Variants in RTP5 observed in about 807,000 individuals in gnomAD.
RTP5 encodes the protein receptor-transporting protein 5.
RTP5 carries 30 observed loss-of-function variants against 23.5 expected under a neutral mutation model. That is an observed-to-expected ratio of 1.27 (90% CI 0.95 to 1.73). The LOEUF (loss-of-function observed/expected upper bound fraction) is 1.73. Among genes scored for constraint, RTP5 ranks in the 40% most tolerant of loss-of-function variants. The pLI is 0.00. For missense variants in RTP5, 807 were observed against 784.2 expected, an observed-to-expected ratio of 1.03 and a Z score of -0.35; for synonymous variants, 354 against 342.1, an observed-to-expected ratio of 1.03 and a Z score of -0.38.
chr2:241,873,361 C>T lies in RTP5; in HGVS notation c.*87C>T, dbSNP rs1177417661. The T allele has an allele frequency of 7.2e-5, 103 of 1,426,678 alleles. No homozygotes were observed. The highest frequency in any genetic ancestry group is 2.6e-4 in the South Asian group (19 of 73,376). 88.4% of individuals were successfully genotyped at this position (1,426,678 alleles called of 1,614,324 possible). A position where few individuals can be genotyped will look rare whatever the true frequency, so the allele number is the denominator to read the frequency against. On this transcript the variant is annotated 3_prime_UTR_variant, in exon 2 of 2. Coordinates refer to ENST00000343216, the MANE Select transcript of RTP5 (RefSeq NM_173821.3). Reference sequence around the variant, plus strand: ...AACCCCGCCTTTGAGATGCCCGCCCCGCCTCCGAGACCCCGCCTCCACCTC... The same window carrying T: ...AACCCCGCCTTTGAGATGCCCGCCCTGCCTCCGAGACCCCGCCTCCACCTC...
At chr2:241,869,994 G>A (rs1701285551) in intron 1 of RTP5, 80 bp downstream of exon 1, 1 of 1,311,144 alleles carries the variant, frequency 7.6e-7, no homozygotes, top group Non-Finnish European at 9.9e-7. Context: ...GGTCCCAGAG[G>A]CTGGGTGGGG....
At chr2:241,871,455 A>G (rs1032814702) in intron 1 of RTP5, among the ~76,000 whole-genome samples, 1 of 152,178 alleles carries the variant, frequency 6.6e-6, no homozygotes, top group African/African-American at 2.4e-5. Context: ...GCTAGTGCGC[A>G]TGGGCCTGCT....
chr2:241,869,953 G>T, intron 1 of RTP5, 39 bp downstream of exon 1: 1 of 1,436,548 alleles, frequency 7.0e-7, no homozygotes. Context: ...GAGGCAGGGG[G>T]CTGAAGGTGC....
At chr2:241,870,256 G>C (rs1297064108) in intron 1 of RTP5, among the ~76,000 whole-genome samples, 1 of 152,222 alleles carries the variant, frequency 6.6e-6, no homozygotes, top group Non-Finnish European at 1.5e-5. Flanking sequence ...GCTGACAGGT[G>C]GGCCCTGGGG....
chr2:241,871,287 T>G (rs756404804), intron 1 of RTP5: 1 of 348,382 alleles, frequency 2.9e-6, no homozygotes, highest in Non-Finnish European at 5.7e-6. Flanking sequence ...CAGGCCTGCC[T>G]CTTCCTGTGT....
chr2:241,869,753 C>T lies in RTP5; in HGVS notation c.-4C>T. 1 of 1,518,548 alleles carries T rather than the reference C, an allele frequency of 6.6e-7. No individual in the cohort carries two copies. Among genetic ancestry groups the T allele is most frequent in the Non-Finnish European group, 8.8e-7 (1 of 1,136,264 alleles). The allele number at this position is 1,518,548 out of a possible 1,614,324, so 94.1% of individuals were successfully genotyped here. A position where few individuals can be genotyped will look rare whatever the true frequency, so the allele number is the denominator to read the frequency against. On this transcript the variant is annotated 5_prime_UTR_variant, in exon 1 of 2. Coordinates refer to ENST00000343216, the MANE Select transcript of RTP5 (RefSeq NM_173821.3). ...CAGCCCACACTGCGGAGCCAGGCGG[C>T]AGCATGGACCGGGCTGGGGCAGACA...
In RTP5 at chr2:241,871,907, G is replaced by A. The variant is rs748897249; in HGVS notation, c.352G>A (p.Val118Ile). 12 of 1,575,330 alleles carry A rather than the reference G, an allele frequency of 7.6e-6. No homozygotes were observed. The highest frequency in any genetic ancestry group is 1.3e-5 in the African/African-American group (1 of 74,452). The change falls in exon 2 of 2, where the codon GTC becomes ATC. Residue 118 changes from valine to isoleucine, a missense_variant. Transcript: ENST00000343216. ...CGAGCAGCCCTTCCTCAGCAGGCTG[G>A]TCTTGCACATCCTGCAGGACTGCTA... ...PGEQPFLSRL[V>I]LHILQDCYGD...
In RTP5 at chr2:241,873,003, A is replaced by G. The variant is rs371204186; in HGVS notation, c.1448A>G (p.Lys483Arg). The change falls in exon 2 of 2, where the codon AAG becomes AGG. Residue 483 changes from lysine to arginine, a missense_variant. Physicochemically the swap from Lys to Arg is conservative, Grantham distance 26. Transcript: ENST00000343216. ...CCCTTCGCAGTCTTCGATGTCATAA[A>G]GCGCAAGGGCGGTGGCCACGTTGCC... ...TIPFAVFDVIKRKGGGHVAYG... is the reference protein window; with the variant it reads ...TIPFAVFDVIRRKGGGHVAYG... The G allele has an allele frequency of 1.4e-5, 22 of 1,613,050 alleles. No individual in the cohort carries two copies. Among genetic ancestry groups the G allele is most frequent in the Non-Finnish European group, 1.9e-5 (22 of 1,179,994 alleles).
rs759950854 is a variant in RTP5, at chr2:241,871,936, G to T, written c.381G>T (p.Gly127=). The change falls in exon 2 of 2, where the codon GGG becomes GGT. Residue 127 remains glycine, a synonymous_variant. Transcript: ENST00000343216. The stretch of plus-strand genomic sequence containing the variant: ...TGCACATCCTGCAGGACTGCTACGG[G>T]GATGGCCCCGGCCCAGCCCGGCACC... ...LVLHILQDCY[G]DGPGPARHPR... is the part of the protein sequence containing the mutation. 14 of 1,589,460 alleles carry T rather than the reference G, an allele frequency of 8.8e-6. No individual in the cohort carries two copies. The highest frequency in any genetic ancestry group is 1.3e-5 in the African/African-American group (1 of 74,680).
chr2:241,872,215 G>A lies in RTP5; in HGVS notation c.660G>A (p.Glu220=), dbSNP rs755430613. The change falls in exon 2 of 2, where the codon GAG becomes GAA. Residue 220 remains glutamate, a synonymous_variant. Coordinates refer to ENST00000343216, the MANE Select transcript of RTP5 (RefSeq NM_173821.3). ...GTSNDQVPIA[E]GPAPPAGASL... ...GCAATGACCAGGTGCCCATCGCTGA[G>A]GGCCCTGCCCCCCCTGCGGGGGCCT... The A allele has an allele frequency of 6.2e-7, 1 of 1,610,442 alleles. No homozygotes were observed. The highest frequency in any genetic ancestry group is 8.5e-7 in the Non-Finnish European group (1 of 1,178,114).
rs1335185305 is a variant in RTP5 at position 241,871,790 on chromosome 2, G to A, written c.235G>A (p.Ala79Thr). ...HVLFHLWWDRASHRGLVKMRI... is the reference protein window; with the variant it reads ...HVLFHLWWDRTSHRGLVKMRI... ...CCTCTTCCACCTGTGGTGGGACAGGGCCAGCCACCGGGGGCTGGTGAAGAT... is the reference window on the plus strand; with the variant it reads ...CCTCTTCCACCTGTGGTGGGACAGGACCAGCCACCGGGGGCTGGTGAAGAT... The change falls in exon 2 of 2, where the codon GCC becomes ACC. Residue 79 changes from alanine to threonine, a missense_variant. Coordinates refer to ENST00000343216, the MANE Select transcript of RTP5 (RefSeq NM_173821.3). 3.2e-6 allele frequency: 5 copies of A among 1,584,668 alleles called. No individual in the cohort carries two copies. Among genetic ancestry groups the A allele is most frequent in the Non-Finnish European group, 4.3e-6 (5 of 1,166,360 alleles).
chr2:241,871,984 C>A lies in RTP5; in HGVS notation c.429C>A (p.Cys143Ter). 1.3e-6 allele frequency: 2 copies of A among 1,584,838 alleles called. No individual in the cohort carries two copies. Among genetic ancestry groups the A allele is most frequent in the Non-Finnish European group, 1.7e-6 (2 of 1,164,592 alleles). ...ACCCCAGGGAGGCCTATGAGGGCTG[C>A]TGTGAGGCCTGTGAGCTGGGGGTCT... ...ARHPREAYEG[C>*]CEACELGVCF... is the part of the protein sequence containing the mutation. The change falls in exon 2 of 2, where the codon TGC becomes TGA. Residue 143 changes from cysteine (C) to a stop codon, truncating the protein, a stop_gained. Transcript: ENST00000343216. LOFTEE classifies it low-confidence loss of function (END_TRUNC).
At position 241,869,879 on chromosome 2, in the gene RTP5, C is replaced by T. The variant is rs374147445; in HGVS notation, c.123C>T (p.Gly41=). 61 of 1,580,776 alleles carry T rather than the reference C, an allele frequency of 3.9e-5. No homozygotes were observed. The highest frequency in any genetic ancestry group is 3.1e-4 in the East Asian group (13 of 42,520). Residue 41 remains glycine (G), a synonymous_variant, in exon 1 of 2, where the codon GGC becomes GGT. Coordinates refer to ENST00000343216, the MANE Select transcript of RTP5 (RefSeq NM_173821.3). The stretch of plus-strand genomic sequence containing the variant: ...GCCTGGTCCCGGGATGCCTGGACGG[C>T]GGTGGTGTCCAGTACCTGCTGGTGG... ...EHSLVPGCLD[G]GGVQYLLVGL...
At position 241,869,780 on chromosome 2, in the gene RTP5, G is replaced by T; in HGVS notation, c.24G>T (p.Met8Ile). Residue 8 changes from methionine to isoleucine, a missense_variant, in exon 1 of 2, where the codon ATG becomes ATT. By Grantham distance (10) the Met-to-Ile change is conservative. Coordinates refer to ENST00000343216, the MANE Select transcript of RTP5 (RefSeq NM_173821.3). Reference protein sequence around the residue: MDRAGADMWASTFTLAMA... With the variant: MDRAGADIWASTFTLAMA... ...GCATGGACCGGGCTGGGGCAGACAT[G>T]TGGGCCAGCACCTTCACCCTGGCCA... 1 of 1,538,526 alleles carries T rather than the reference G, an allele frequency of 6.5e-7. No individual in the cohort carries two copies.
At position 241,872,109 on chromosome 2, in the gene RTP5, G is replaced by A; in HGVS notation, c.554G>A (p.Gly185Asp). 4 of 1,600,494 alleles carry A rather than the reference G, an allele frequency of 2.5e-6. No homozygotes were observed. The highest frequency in any genetic ancestry group is 1.7e-5 in the Admixed American group (1 of 58,988). Residue 185 changes from glycine (G) to aspartate (D), a missense_variant, in exon 2 of 2, where the codon GGC becomes GAC. Physicochemically the swap from Gly to Asp is moderately conservative, Grantham distance 94. Coordinates refer to ENST00000343216, the MANE Select transcript of RTP5 (RefSeq NM_173821.3). ...AWGGTGTVSR[G>D]KPLSTPGDDL... ...GGTGGCACTGGCACCGTCTCCAGGG[G>A]CAAACCGCTGTCCACCCCTGGCGAC...
chr2:241,872,261 T>C lies in RTP5; in HGVS notation c.706T>C (p.Cys236Arg), dbSNP rs1308995944. The change falls in exon 2 of 2, where the codon TGT (cysteine) becomes CGT (arginine). Residue 236 changes from cysteine (C) to arginine (R), a missense_variant. By Grantham distance (180) the Cys-to-Arg change is radical. Transcript: ENST00000343216. ...AGASLPVTGSCEALVIGQGSI... is the reference protein window; with the variant it reads ...AGASLPVTGSREALVIGQGSI... The stretch of plus-strand genomic sequence containing the variant: ...GGCCTCTCTCCCTGTGACTGGCAGC[T>C]GTGAGGCCCTGGTCATCGGCCAGGG... 1 of 1,600,836 alleles carries C rather than the reference T, an allele frequency of 6.2e-7. No homozygotes were observed. The highest frequency in any genetic ancestry group is 1.1e-5 in the South Asian group (1 of 90,294).
Position 241,871,857 on chromosome 2 carries a change from G to A in RTP5, c.302G>A (p.Gly101Glu), listed in dbSNP as rs7420371. ...CGGTGCAGGCTGTGCCCCGCACCCG[G>A]GGACTGCCAGGTGAGGCCCCCGGGC... is the stretch of plus-strand genomic sequence containing the variant. Reference protein sequence around the residue: ...GQRCRLCPAPGDCQVRPPGEQ... With the variant: ...GQRCRLCPAPEDCQVRPPGEQ... Residue 101 changes from glycine (G) to glutamate (E), a missense_variant, in exon 2 of 2, where the codon GGG becomes GAG. By Grantham distance (98) the Gly-to-Glu change is moderately conservative (BLOSUM62 -2). Transcript: ENST00000343216. 639,007 of 1,545,386 alleles carry A rather than the reference G, an allele frequency of 0.41. 137,966 individuals carry two copies. Among genetic ancestry groups the A allele is most frequent in the Non-Finnish European group, 0.44 (504,146 of 1,142,766 alleles).
In RTP5 at chr2:241,873,248, C is replaced by G. The variant is rs539928714; in HGVS notation, c.1693C>G (p.Pro565Ala). 4 of 1,587,412 alleles carry G rather than the reference C, an allele frequency of 2.5e-6. No homozygotes were observed. Among genetic ancestry groups the G allele is most frequent in the Non-Finnish European group, 3.4e-6 (4 of 1,171,718 alleles). ...FWLMCMCRLNPGIYPQQV is the reference protein window; with the variant it reads ...FWLMCMCRLNAGIYPQQV ...GCTGATGTGCATGTGTCGGCTGAAC[C>G]CCGGGATCTACCCGCAGCAAGTGTG... is the stretch of plus-strand genomic sequence containing the variant. The change falls in exon 2 of 2, where the codon CCC becomes GCC. Residue 565 changes from proline to alanine, a missense_variant. Coordinates refer to ENST00000343216, the MANE Select transcript of RTP5 (RefSeq NM_173821.3).
In RTP5 at chr2:241,872,327, G is replaced by T. The variant is rs781487192; in HGVS notation, c.772G>T (p.Gly258Cys). Reference protein sequence around the residue: ...LSGDSVAMPGGKGFPVAIGDP... With the variant: ...LSGDSVAMPGCKGFPVAIGDP... ...TGGGGATTCAGTGGCCATGCCTGGG[G>T]GCAAAGGCTTCCCGGTGGCCATTGG... is the stretch of plus-strand genomic sequence containing the variant. The change falls in exon 2 of 2, where the codon GGC becomes TGC. Residue 258 changes from glycine (G) to cysteine (C), a missense_variant. Gly to Cys is a radical substitution (Grantham distance 159). Coordinates refer to ENST00000343216, the MANE Select transcript of RTP5 (RefSeq NM_173821.3). 2 of 1,608,836 alleles carry T rather than the reference G, an allele frequency of 1.2e-6. No homozygotes were observed. Among genetic ancestry groups the T allele is most frequent in the Non-Finnish European group, 1.7e-6 (2 of 1,178,112 alleles).
Sources: gnomAD v4.1 joint callset for allele counts (sites outside exome capture counted in the v4.1 genomes callset) on GRCh38, gnomAD v4.1.1 for gene constraint, MANE v1.5 for transcripts, NCBI Gene and HGNC (gene_info 2026-07-23, HGNC 2026-07-21) for gene names.